ZNF257: variants seen among roughly 807,000 people sequenced by gnomAD.
ZNF257 encodes bone marrow zinc finger 4.
ZNF257 carries 12 observed loss-of-function variants against 11.9 expected under a neutral mutation model. That is an observed-to-expected ratio of 1.01 (90% confidence interval 0.65 to 1.63). The LOEUF (loss-of-function observed/expected upper bound fraction) is 1.63, where lower values mean the gene tolerates loss of function less well. Ranked by LOEUF, ZNF257 falls within the 40% of genes most tolerant of loss-of-function variation. The pLI is 0.00. For missense variants in ZNF257, 580 were observed against 665.5 expected, an observed-to-expected ratio of 0.87 and a Z score of 1.41; for synonymous variants, 183 against 222.7, an observed-to-expected ratio of 0.82 and a Z score of 1.59.
chr19:22,076,619 C>T (rs1404254859), intron 3 of ZNF257, among the ~76,000 whole-genome samples: 10 of 151,814 alleles, frequency 6.6e-5, no homozygotes, highest in Non-Finnish European at 1.3e-4. Flanking sequence ...TGTTGCATAC[C>T]ACATTATATG....
At position 22,081,764 on chromosome 19, in the gene ZNF257, A is replaced by C. The variant is rs151310383; in HGVS notation, c.227-6213A>C. On this transcript the variant is annotated intron_variant, in intron 3 of 3. Coordinates refer to ENST00000594947, the MANE Select transcript of ZNF257 (RefSeq NM_033468.4). Reference sequence around the variant, plus strand: ...ACTCTGGTTTTGACCTTCTGAGATCAAGTGATCAGCCCACCTTGGCCTCCC... The same window carrying C: ...ACTCTGGTTTTGACCTTCTGAGATCCAGTGATCAGCCCACCTTGGCCTCCC... Among the ~76,000 whole-genome samples the C allele has an allele frequency of 2.7e-3, 410 of 152,148 alleles. 5 individuals are homozygous for C. The highest frequency in any genetic ancestry group is 9.0e-3 in the African/African-American group (374 of 41,482).
At chr19:22,084,766 C>A (rs1305458567) in intron 3 of ZNF257, among the ~76,000 whole-genome samples, 1 of 144,176 alleles carries the variant, frequency 6.9e-6, no homozygotes, top group African/African-American at 2.6e-5. Context: ...CAATCTCACT[C>A]TGTTGCCCAG....
At chr19:22,067,601 C>T (rs2021986656) in intron 1 of ZNF257, among the ~76,000 whole-genome samples, 1 of 152,084 alleles carries the variant, frequency 6.6e-6, no homozygotes, top group Non-Finnish European at 1.5e-5. Flanking sequence ...CTTTGGGAGG[C>T]TGAGGCAGGT....
intron 3 of ZNF257, among the ~76,000 whole-genome samples, chr19:22,079,832 A>G (rs190147458): frequency 2.7e-3 from 407 of 152,288 alleles, no homozygotes; most frequent in Middle Eastern, 6.8e-3. Flanking sequence ...TTGAAAAATT[A>G]AATTTTTGGC....
Position 22,052,499 on chromosome 19 carries a change from C to A in ZNF257, c.-134C>A. 1 of 1,066,994 alleles carries A rather than the reference C, an allele frequency of 9.4e-7. No individual in the cohort carries two copies. Among genetic ancestry groups the A allele is most frequent in the South Asian group, 1.3e-5 (1 of 77,964 alleles). The allele number at this position is 1,066,994 out of a possible 1,614,324, so 66.1% of individuals were successfully genotyped here. A position where few individuals can be genotyped will look rare whatever the true frequency, so the allele number is the denominator to read the frequency against. On this transcript the variant is annotated 5_prime_UTR_variant, in exon 1 of 4. Transcript: ENST00000594947. ...TTTGGCGGGTACTTTGTCTCTCGCT[C>A]TAGCCCGAGCTGCAGGTCTCGTCTT...
intron 1 of ZNF257, among the ~76,000 whole-genome samples, chr19:22,054,705 T>A (rs962565266): frequency 6.6e-5 from 10 of 152,178 alleles, no homozygotes; most frequent in African/African-American, 2.4e-4. Context: ...AAAATTTTGT[T>A]CCTCTTTGCT....
In ZNF257 at chr19:22,088,629, C is replaced by CT; in HGVS notation, c.882dup (p.Lys295Ter). On this transcript the variant is annotated frameshift_variant, in exon 4 of 4. Coordinates refer to ENST00000594947, the MANE Select transcript of ZNF257 (RefSeq NM_033468.4). LOFTEE classifies it low-confidence loss of function (END_TRUNC). ...TCAAATATGATGAATGTTGCAAAGCCTTTAAGTGGTCCTCAGCTCTTACTA... is the reference window on the plus strand; with the variant it reads ...TCAAATATGATGAATGTTGCAAAGCCTTTTAAGTGGTCCTCAGCTCTTACTA... The CT allele has an allele frequency of 6.2e-7, 1 of 1,609,204 alleles. No homozygotes were observed. Among genetic ancestry groups the CT allele is most frequent in the Non-Finnish European group, 8.5e-7 (1 of 1,179,178 alleles).
At chr19:22,073,140 T>G (rs1301878326) in intron 2 of ZNF257, among the ~76,000 whole-genome samples, 2 of 152,206 alleles carry the variant, frequency 1.3e-5, no homozygotes, top group East Asian at 3.9e-4. Flanking sequence ...GGTTTCACCT[T>G]GAACTGAACT....
intron 3 of ZNF257, among the ~76,000 whole-genome samples, chr19:22,085,155 C>T (rs991026092): frequency 4.6e-5 from 7 of 151,984 alleles, no homozygotes; most frequent in African/African-American, 9.7e-5. Context: ...TGGGTCCAAG[C>T]GATTCTCCTG....
chr19:22,062,062 A>AT (rs57092171), intron 1 of ZNF257, among the ~76,000 whole-genome samples: 30,102 of 139,694 alleles, frequency 0.22, 3,948 homozygotes, highest in African/African-American at 0.35. Context: ...TTTGCTGAGG[A>AT]TTTTTTTTTT....
chr19:22,083,946 C>T (rs556955299), intron 3 of ZNF257, among the ~76,000 whole-genome samples: 4 of 152,202 alleles, frequency 2.6e-5, no homozygotes, highest in South Asian at 4.1e-4. Flanking sequence ...TCTAGACCAG[C>T]CTGGCCAACA....
chr19:22,057,399 C>T (rs1211662535), intron 1 of ZNF257, among the ~76,000 whole-genome samples: 1 of 152,154 alleles, frequency 6.6e-6, no homozygotes, highest in South Asian at 2.1e-4. Flanking sequence ...TCTGGGGAGC[C>T]GCCCCTGCAG....
intron 2 of ZNF257, 46 bp from the exon 3 acceptor site, chr19:22,073,423 T>C: frequency 1.3e-6 from 2 of 1,566,672 alleles, no homozygotes; most frequent in Non-Finnish European, 1.7e-6. Context: ...AAGTTGGTAA[T>C]TGGAGAATAT....
intron 1 of ZNF257, among the ~76,000 whole-genome samples, chr19:22,065,080 A>C (rs912943994): frequency 7.9e-5 from 12 of 152,104 alleles, no homozygotes; most frequent in Admixed American, 6.6e-5. Flanking sequence ...ATTTTCTACA[A>C]TAGTATGAAT....
chr19:22,068,963 T>C (rs766047040), intron 1 of ZNF257, among the ~76,000 whole-genome samples: 3 of 141,668 alleles, frequency 2.1e-5, no homozygotes, highest in African/African-American at 8.9e-5. Flanking sequence ...CAGAGCAGAA[T>C]TGTCAGGCTG....
chr19:22,053,394 A>AAAT (rs1971748360), intron 1 of ZNF257, among the ~76,000 whole-genome samples: 1 of 149,864 alleles, frequency 6.7e-6, no homozygotes, highest in Admixed American at 6.6e-5. Flanking sequence ...AAAAAAAAAA[A>AAAT]TTGTAAAGTA....
intron 1 of ZNF257, among the ~76,000 whole-genome samples, chr19:22,066,956 GT>G (rs1457284667): frequency 2.6e-5 from 4 of 152,164 alleles, no homozygotes; most frequent in African/African-American, 4.8e-5. Context: ...CTCTGGGGCT[GT>G]AGAAAGTTTT....
chr19:22,058,115 C>G (rs1001317395), intron 1 of ZNF257, among the ~76,000 whole-genome samples: 26 of 114,610 alleles, frequency 2.3e-4, no homozygotes, highest in Non-Finnish European at 3.4e-4. Flanking sequence ...GAGTCTGTGT[C>G]TGGCTATGTG....
chr19:22,079,943 C>T (rs2022322544), intron 3 of ZNF257, among the ~76,000 whole-genome samples: 1 of 151,990 alleles, frequency 6.6e-6, no homozygotes. Context: ...CAATTGTGGT[C>T]AGAAAACGCA....
Sources: allele counts gnomAD v4.1 joint callset (sites outside exome capture counted in the v4.1 genomes callset), GRCh38; gene constraint gnomAD v4.1.1; transcripts MANE v1.5; gene names NCBI Gene and HGNC (gene_info 2026-07-23, HGNC 2026-07-21).